The following MYO1B variants were observed in gnomAD, a reference collection of about 807,000 sequenced individuals.
The protein encoded by MYO1B is unconventional myosin-Ib.
MYO1B carries 72 observed loss-of-function variants against 159.7 expected under a neutral mutation model. That is an observed-to-expected ratio of 0.45 (90% CI 0.37 to 0.55). The LOEUF is 0.55. MYO1B is among the 20% of genes least tolerant of loss of function. MYO1B has a pLI of 0.00. For synonymous variants in MYO1B, 468 were observed against 473.8 expected (o/e 0.99, Z 0.16); for missense variants, 1,062 against 1,364.8 (o/e 0.78, Z 3.50).
chr2:191,254,579 C>T (rs13412345), intron 1 of MYO1B, among the ~76,000 whole-genome samples: 4,595 of 151,886 alleles, frequency 0.03, 217 homozygotes, highest in African/African-American at 0.1. Flanking sequence ...GATCGTAGCT[C>T]GGTGCAGCCT....
At chr2:191,412,879 T>C (rs1347176217) in intron 27 of MYO1B, among the ~76,000 whole-genome samples, 1 of 152,234 alleles carries the variant, frequency 6.6e-6, no homozygotes, top group Admixed American at 6.5e-5. Context: ...GAATGTTTGC[T>C]TTGGTTACTT....
chr2:191,414,498 A>G lies in MYO1B; in HGVS notation c.3007-19A>G, dbSNP rs781725685. 1.7e-5 allele frequency: 27 copies of G among 1,587,950 alleles called. No individual in the cohort carries two copies. Among genetic ancestry groups the G allele is most frequent in the African/African-American group, 4.1e-5 (3 of 73,890 alleles). On this transcript the variant is annotated intron_variant, in intron 28 of 30. Coordinates refer to ENST00000392318, the MANE Select transcript of MYO1B (RefSeq NM_001130158.3). ...TATTTGTGATCATTGGTTTTATACT[A>G]TTTTTTATTTTGATTTAGAGTACAT...
intron 21 of MYO1B, among the ~76,000 whole-genome samples, chr2:191,399,320 A>G (rs1696456201): frequency 6.6e-6 from 1 of 151,408 alleles, no homozygotes; most frequent in Admixed American, 6.6e-5. Context: ...AGGGAGGAAG[A>G]TGATTTCATG....
At chr2:191,302,151 C>G (rs2125832552) in intron 3 of MYO1B, among the ~76,000 whole-genome samples, 1 of 152,340 alleles carries the variant, frequency 6.6e-6, no homozygotes, top group South Asian at 2.1e-4. Context: ...ACTTGGTCAG[C>G]CCCAGCATAA....
At chr2:191,392,278 A>G in intron 19 of MYO1B, 77 bp downstream of exon 19, 1 of 1,056,760 alleles carries the variant, frequency 9.5e-7, no homozygotes, top group African/African-American at 1.6e-5. Context: ...GTTTAACTTT[A>G]TAACATTATA....
chr2:191,253,134 G>A (rs956659684), intron 1 of MYO1B, among the ~76,000 whole-genome samples: 4 of 152,108 alleles, frequency 2.6e-5, no homozygotes, highest in Admixed American at 2.6e-4. Flanking sequence ...GGGTTCCTTG[G>A]CCAGGTACAT....
At chr2:191,273,703 G>T (rs1687591709) in intron 1 of MYO1B, among the ~76,000 whole-genome samples, 1 of 152,216 alleles carries the variant, frequency 6.6e-6, no homozygotes, top group Non-Finnish European at 1.5e-5. Context: ...GAACAGCATG[G>T]ATTCCTTGTG....
At chr2:191,255,991 C>T (rs1686421280) in intron 1 of MYO1B, among the ~76,000 whole-genome samples, 1 of 152,194 alleles carries the variant, frequency 6.6e-6, no homozygotes, top group South Asian at 2.1e-4. Flanking sequence ...TCCAGTGTCT[C>T]AGCCTTCTCC....
At chr2:191,407,908 G>T (rs1402507739) in intron 24 of MYO1B, 4 of 392,572 alleles carry the variant, frequency 1.0e-5, no homozygotes, top group Non-Finnish European at 1.8e-5. Context: ...ATCAATTCAT[G>T]CTGGTTTCAT....
At chr2:191,342,983 T>C (rs1692320999) in intron 5 of MYO1B, among the ~76,000 whole-genome samples, 1 of 152,230 alleles carries the variant, frequency 6.6e-6, no homozygotes, top group Non-Finnish European at 1.5e-5. Context: ...GTAAGGTTTC[T>C]CAGCCTCAGC....
At chr2:191,423,526 C>T (rs1028751828) in intron 30 of MYO1B, among the ~76,000 whole-genome samples, 3 of 152,136 alleles carry the variant, frequency 2.0e-5, no homozygotes, top group Non-Finnish European at 2.9e-5. Flanking sequence ...AATTTTTCCG[C>T]GCTTATGGGA....
chr2:191,301,095 A>T (rs1013000946), intron 3 of MYO1B, among the ~76,000 whole-genome samples: 20 of 152,120 alleles, frequency 1.3e-4, no homozygotes, highest in African/African-American at 4.8e-4. Context: ...GTGTGAAGCC[A>T]CATCTTTGAG....
intron 17 of MYO1B, 24 bp from the exon 18 acceptor site, chr2:191,390,268 C>T (rs755198481): frequency 3.1e-6 from 5 of 1,600,290 alleles, no homozygotes; most frequent in African/African-American, 1.3e-5. Flanking sequence ...CAGTTTATAA[C>T]CTAAAATCTT....
intron 13 of MYO1B, among the ~76,000 whole-genome samples, chr2:191,371,794 T>C (rs988644027): frequency 3.3e-5 from 5 of 152,092 alleles, no homozygotes; most frequent in Non-Finnish European, 4.4e-5. Flanking sequence ...CTGGCCAGCA[T>C]TGGGTGCTTC....
At chr2:191,299,035 C>T (rs1689151199) in intron 3 of MYO1B, among the ~76,000 whole-genome samples, 1 of 152,164 alleles carries the variant, frequency 6.6e-6, no homozygotes, top group Admixed American at 6.5e-5. Flanking sequence ...TGTCCACATG[C>T]TCTTTTTGCA....
chr2:191,303,609 G>A (rs1163707078), intron 3 of MYO1B, among the ~76,000 whole-genome samples: 1 of 152,068 alleles, frequency 6.6e-6, no homozygotes, highest in Non-Finnish European at 1.5e-5. Context: ...TCATGAGAGA[G>A]GCTAAACTCC....
rs897521538 is a variant in MYO1B, at chr2:191,384,189, G to A, written c.1353+847G>A. 2.6e-5 allele frequency among the ~76,000 whole-genome samples: 4 copies of A among 152,344 alleles called. No individual in the cohort carries two copies. In the East Asian group the frequency reaches 7.7e-4, roughly 29 times the overall value. On this transcript the variant is annotated intron_variant, in intron 15 of 30. Transcript: ENST00000392318. ...ATTGTAAATGAATTAAATGTAGGAA[G>A]ACTGATTTTGTGTGTGGAAAACAGG...
chr2:191,258,306 T>G (rs1468354848), intron 1 of MYO1B, among the ~76,000 whole-genome samples: 1 of 152,126 alleles, frequency 6.6e-6, no homozygotes, highest in Non-Finnish European at 1.5e-5. Context: ...AGAGAAGGAA[T>G]AGTAAAGATA....
intron 21 of MYO1B, among the ~76,000 whole-genome samples, chr2:191,397,570 GAA>G (rs1460062828): frequency 2.7e-4 from 41 of 151,382 alleles, no homozygotes; most frequent in African/African-American, 9.7e-4. Context: ...AGAACAAAAT[GAA>G]AAGTCTCCCA....
Sources: gnomAD v4.1 joint callset for allele counts (sites outside exome capture counted in the v4.1 genomes callset) on GRCh38, gnomAD v4.1.1 for gene constraint, MANE v1.5 for transcripts, NCBI Gene and HGNC (gene_info 2026-07-23, HGNC 2026-07-21) for gene names.